The following ITPR2 variants were observed in gnomAD, a reference collection of about 807,000 sequenced individuals.
The protein encoded by ITPR2 is inositol 1,4,5-trisphosphate-gated calcium channel ITPR2.
Under a neutral mutation model 317.1 loss-of-function variants are expected in ITPR2, and 207 were observed. That is an observed-to-expected ratio of 0.65 (90% CI 0.58 to 0.73). The LOEUF (loss-of-function observed/expected upper bound fraction) is 0.73. Ranked by LOEUF, ITPR2 falls within the 30% of genes least tolerant of loss-of-function variation. ITPR2 has a pLI of 0.00. For missense variants in ITPR2, 2,613 were observed against 3,284.0 expected, an observed-to-expected ratio of 0.80 and a Z score of 4.99; for synonymous variants, 1,156 against 1,149.1, an observed-to-expected ratio of 1.01 and a Z score of -0.12.
At chr12:26,582,961 A>AGG (rs1330329602) in intron 32 of ITPR2, among the ~76,000 whole-genome samples, 1 of 151,984 alleles carries the variant, frequency 6.6e-6, no homozygotes, top group Non-Finnish European at 1.5e-5. Context: ...CTCTCCTTGT[A>AGG]GGGGCTTCTG....
chr12:26,772,138 T>A (rs1289970757), intron 2 of ITPR2, among the ~76,000 whole-genome samples: 1 of 151,744 alleles, frequency 6.6e-6, no homozygotes, highest in Non-Finnish European at 1.5e-5. Context: ...ATTCCATTAC[T>A]GTTTAAAGAA....
At chr12:26,646,472 C>T (rs1056954059) in intron 21 of ITPR2, among the ~76,000 whole-genome samples, 1 of 152,148 alleles carries the variant, frequency 6.6e-6, no homozygotes, top group African/African-American at 2.4e-5. Flanking sequence ...TTAAACTGCA[C>T]AAGCAAGTGG....
At chr12:26,818,786 G>A (rs184878771) in intron 1 of ITPR2, among the ~76,000 whole-genome samples, 97 of 152,054 alleles carry the variant, frequency 6.4e-4, no homozygotes, top group South Asian at 2.1e-3. Flanking sequence ...AGATCTACCC[G>A]AAATGCAAAT....
chr12:26,687,723 C>G (rs1337198236), intron 10 of ITPR2, among the ~76,000 whole-genome samples: 4 of 152,104 alleles, frequency 2.6e-5, no homozygotes, highest in African/African-American at 9.7e-5. Flanking sequence ...TGGGAATGGG[C>G]AGAGGGAACT....
chr12:26,666,171 T>TTA, intron 13 of ITPR2, 120 bp from the exon 14 acceptor site: 1 of 554,382 alleles, frequency 1.8e-6, no homozygotes, highest in East Asian at 3.0e-5. Flanking sequence ...GATTTTTTTT[T>TTA]ACTTTTTCTT....
At chr12:26,573,587 G>A (rs1227790032) in intron 34 of ITPR2, among the ~76,000 whole-genome samples, 1 of 152,132 alleles carries the variant, frequency 6.6e-6, no homozygotes, top group Non-Finnish European at 1.5e-5. Flanking sequence ...GACACTGCAT[G>A]GGGGGTGTTC....
At chr12:26,617,497 C>G (rs1946396200) in intron 26 of ITPR2, among the ~76,000 whole-genome samples, 1 of 151,828 alleles carries the variant, frequency 6.6e-6, no homozygotes, top group African/African-American at 2.4e-5. Context: ...ATGAACAGAT[C>G]CTTCTAATGT....
rs1940548818 is a variant in ITPR2 at position 26,411,468 on chromosome 12, C to T, written c.7307-56G>A. On this transcript the variant is annotated intron_variant, in intron 51 of 56. Transcript: ENST00000381340. The stretch of plus-strand genomic sequence containing the variant: ...GAGTCAAATATGCACATGATGAAAA[C>T]TGAACCTACAGTTCTAAAGATATGT... 5.9e-6 allele frequency: 7 copies of T among 1,196,558 alleles called. No individual in the cohort carries two copies. In the South Asian group the frequency reaches 8.8e-5, roughly 15 times the overall value. 74.1% of individuals were successfully genotyped at this position (1,196,558 alleles called of 1,614,324 possible).
intron 32 of ITPR2, 74 bp downstream of exon 32, chr12:26,595,390 GT>G (rs1342594352): frequency 2.1e-6 from 3 of 1,411,728 alleles, no homozygotes; most frequent in Non-Finnish European, 2.9e-6. Flanking sequence ...TTAACTGCAA[GT>G]TTTCATCCAG....
intron 2 of ITPR2, among the ~76,000 whole-genome samples, chr12:26,761,158 A>G (rs755532683): frequency 6.6e-6 from 1 of 151,892 alleles, no homozygotes; most frequent in Non-Finnish European, 1.5e-5. Flanking sequence ...GCCCAACCCC[A>G]TAGATTCAAG....
rs1030035027 is a variant in ITPR2, at chr12:26,483,797, G to C, written c.5913C>G (p.Gly1971=). The C allele has an allele frequency of 6.2e-7, 1 of 1,614,024 alleles. No individual in the cohort carries two copies. Among genetic ancestry groups the C allele is most frequent in the South Asian group, 1.1e-5 (1 of 91,074 alleles). ...CICGSTTGGL[G]LLGLYINEKN... ...TCTCATTGATGTAGAGACCCAACAG[G>C]CCCAGGCCACCGGTTGTACTTCCAC... Residue 1971 remains glycine (G), a synonymous_variant, in exon 42 of 57, where the codon GGC becomes GGG. Transcript: ENST00000381340.
intron 2 of ITPR2, among the ~76,000 whole-genome samples, chr12:26,751,732 G>A (rs1020244504): frequency 6.6e-6 from 1 of 152,102 alleles, no homozygotes; most frequent in African/African-American, 2.4e-5. Context: ...CAGGCGTGGT[G>A]GTGGGCGCCT....
intron 35 of ITPR2, among the ~76,000 whole-genome samples, chr12:26,559,407 A>C (rs1944751742): frequency 6.6e-6 from 1 of 152,210 alleles, no homozygotes; most frequent in Admixed American, 6.5e-5. Flanking sequence ...GCACCAGCAG[A>C]TTTGTTGTCT....
chr12:26,498,522 A>C (rs1942997870), intron 37 of ITPR2, among the ~76,000 whole-genome samples: 1 of 152,254 alleles, frequency 6.6e-6, no homozygotes, highest in African/African-American at 2.4e-5. Context: ...TTAGACCCAT[A>C]AACTACAGGG....
chr12:26,512,654 G>A (rs1257338212), intron 37 of ITPR2, among the ~76,000 whole-genome samples: 1 of 152,114 alleles, frequency 6.6e-6, no homozygotes, highest in Non-Finnish European at 1.5e-5. Context: ...CAAAAATGTA[G>A]AAGAGTAAGC....
chr12:26,682,555 C>T lies in ITPR2; in HGVS notation c.1248+19G>A. Reference sequence around the variant, plus strand: ...CATGGCATTTGGCTGAAAATTAAACCATCTTCAGTGACATTTACCTTTAAC... The same window carrying T: ...CATGGCATTTGGCTGAAAATTAAACTATCTTCAGTGACATTTACCTTTAAC... On this transcript the variant is annotated intron_variant, in intron 12 of 56. Coordinates refer to ENST00000381340, the MANE Select transcript of ITPR2 (RefSeq NM_002223.4). The T allele has an allele frequency of 6.7e-7, 1 of 1,494,594 alleles. No individual in the cohort carries two copies. Among genetic ancestry groups the T allele is most frequent in the Non-Finnish European group, 9.3e-7 (1 of 1,078,284 alleles). 92.6% of individuals were successfully genotyped at this position (1,494,594 alleles called of 1,614,324 possible).
intron 37 of ITPR2, among the ~76,000 whole-genome samples, chr12:26,543,113 A>G (rs1413429905): frequency 6.6e-6 from 1 of 152,156 alleles, no homozygotes; most frequent in Non-Finnish European, 1.5e-5. Flanking sequence ...AGATGCGGGA[A>G]ATTGACCCCC....
chr12:26,648,883 T>G (rs1444206653), intron 21 of ITPR2: 2 of 152,210 alleles, frequency 1.3e-5, no homozygotes, highest in Non-Finnish European at 2.9e-5. Context: ...TCTTCTTGCT[T>G]CTTCTGTTAA....
intron 2 of ITPR2, among the ~76,000 whole-genome samples, chr12:26,772,450 T>TTATATATATA: frequency 1.4e-5 from 1 of 74,068 alleles, no homozygotes. Flanking sequence ...ATTATATATA[T>TTATATATATA]TATATATATA....
Sources: allele counts gnomAD v4.1 joint callset (sites outside exome capture counted in the v4.1 genomes callset), GRCh38; gene constraint gnomAD v4.1.1; transcripts MANE v1.5; gene names NCBI Gene and HGNC (gene_info 2026-07-23, HGNC 2026-07-21).